Variants in LRRC4C observed in about 807,000 individuals in gnomAD.
LRRC4C encodes leucine-rich repeat-containing protein 4C.
Under a neutral mutation model 33.6 loss-of-function variants are expected in LRRC4C, and 5 were observed. The observed-to-expected ratio is 0.15, with a 90% CI of 0.08 to 0.31. The LOEUF is 0.31. Among genes scored for constraint, LRRC4C ranks in the 10% least tolerant of loss-of-function variants. LRRC4C has a pLI of 1.00. For missense variants in LRRC4C, 560 were observed against 796.7 expected (o/e 0.70, Z 3.58); for synonymous variants, 329 against 302.0 (o/e 1.09, Z -0.93).
chr11:40,623,860 G>A (rs139942067), intron 3 of LRRC4C, among the ~76,000 whole-genome samples: 21 of 152,126 alleles, frequency 1.4e-4, no homozygotes, highest in African/African-American at 5.1e-4. Flanking sequence ...AACAGAATCA[G>A]TTAAAGTAAT....
At chr11:40,487,139 C>G (rs911394411) in intron 3 of LRRC4C, among the ~76,000 whole-genome samples, 4 of 152,058 alleles carry the variant, frequency 2.6e-5, no homozygotes, top group African/African-American at 9.7e-5. Context: ...CGTGAACTGA[C>G]ATGCGAAGTT....
intron 3 of LRRC4C, among the ~76,000 whole-genome samples, chr11:40,565,486 G>A (rs1565510384): frequency 6.6e-6 from 1 of 152,154 alleles, no homozygotes; most frequent in Admixed American, 6.5e-5. Context: ...TGCCTAGCAT[G>A]TTCTCATTTA....
At chr11:40,807,424 C>A (rs1951302986) in intron 2 of LRRC4C, among the ~76,000 whole-genome samples, 1 of 152,084 alleles carries the variant, frequency 6.6e-6, no homozygotes, top group South Asian at 2.1e-4. Flanking sequence ...CCAGTTGTTT[C>A]TTTATTTCAT....
chr11:40,973,806 TTTTTAAAGCCTTTTAA>T (rs367886675), intron 1 of LRRC4C, among the ~76,000 whole-genome samples: 62 of 152,316 alleles, frequency 4.1e-4, no homozygotes, highest in Non-Finnish European at 7.5e-4. Flanking sequence ...CCATTGTTGA[TTTTTAAAGCCTTTTAA>T]TTTTATTCCC....
chr11:40,604,943 C>T (rs1192473648), intron 3 of LRRC4C, among the ~76,000 whole-genome samples: 1 of 152,096 alleles, frequency 6.6e-6, no homozygotes, highest in Non-Finnish European at 1.5e-5. Context: ...TATTCCATTT[C>T]TGACATTCCC....
intron 1 of LRRC4C, among the ~76,000 whole-genome samples, chr11:41,151,844 T>C (rs1043362023): frequency 1.3e-5 from 2 of 152,228 alleles, no homozygotes; most frequent in African/African-American, 4.8e-5. Context: ...CTAAAATTAA[T>C]TTAATAAAAT....
intron 1 of LRRC4C, among the ~76,000 whole-genome samples, chr11:41,138,398 C>G (rs1051478240): frequency 1.3e-5 from 2 of 152,240 alleles, no homozygotes; most frequent in Admixed American, 6.5e-5. Flanking sequence ...GTACACTAGA[C>G]AGGGGACAGA....
intron 1 of LRRC4C, among the ~76,000 whole-genome samples, chr11:40,947,278 T>A (rs1421056170): frequency 6.6e-6 from 1 of 152,162 alleles, no homozygotes; most frequent in Non-Finnish European, 1.5e-5. Flanking sequence ...TGCAAAAATA[T>A]CTTCACGATA....
At chr11:40,406,008 C>T (rs1023619521) in intron 3 of LRRC4C, among the ~76,000 whole-genome samples, 3 of 152,140 alleles carry the variant, frequency 2.0e-5, no homozygotes, top group South Asian at 2.1e-4. Context: ...CACTGTATAT[C>T]GGATCTCTTT....
intron 1 of LRRC4C, among the ~76,000 whole-genome samples, chr11:41,120,019 AT>A (rs1362641463): frequency 1.3e-5 from 2 of 152,124 alleles, no homozygotes; most frequent in African/African-American, 2.4e-5. Context: ...CAATGCTAAA[AT>A]TTTCCATTCT....
chr11:40,420,627 A>T (rs1950489555), intron 3 of LRRC4C, among the ~76,000 whole-genome samples: 1 of 152,232 alleles, frequency 6.6e-6, no homozygotes, highest in Non-Finnish European at 1.5e-5. Context: ...AATCTGGTGA[A>T]TGAGTTCCTA....
In LRRC4C at chr11:40,971,256, G is replaced by A. The variant is rs987766896; in HGVS notation, c.-495-37533C>T. 4.6e-5 allele frequency among the ~76,000 whole-genome samples: 7 copies of A among 152,198 alleles called. No homozygotes were observed. The South Asian group carries it at 8.3e-4, about 18-fold the overall frequency. ...GCCCAGAAGCTTAGAAGGGAAGAAT[G>A]TTATGGTGGTCCAGGCCCAGGGCCT... On this transcript the variant is annotated intron_variant, in intron 1 of 6. Transcript: ENST00000528697.
intron 1 of LRRC4C, among the ~76,000 whole-genome samples, chr11:41,389,768 C>T (rs561923673): frequency 1.3e-5 from 2 of 151,688 alleles, no homozygotes; most frequent in Non-Finnish European, 2.9e-5. Flanking sequence ...TGGGCAAACA[C>T]ATAACCAAGG....
chr11:41,274,676 A>C lies in LRRC4C; in HGVS notation c.-496+184755T>G, dbSNP rs138720878. ...GGAATAAAAGCTGGCCACCCCAGCC[A>C]GCAGTGGCAACCTGCTTGGGTCCCC... On this transcript the variant is annotated intron_variant, in intron 1 of 6. Coordinates refer to ENST00000528697, the MANE Select transcript of LRRC4C (RefSeq NM_001258419.2). 4.2e-3 allele frequency among the ~76,000 whole-genome samples: 644 copies of C among 152,242 alleles called. 3 individuals are homozygous for C. The highest frequency in any genetic ancestry group is 0.014 in the African/African-American group (566 of 41,558).
Position 40,920,975 on chromosome 11 carries a change from T to C in LRRC4C, c.-407+12660A>G, listed in dbSNP as rs117150737. On this transcript the variant is annotated intron_variant, in intron 2 of 6. Coordinates refer to ENST00000528697, the MANE Select transcript of LRRC4C (RefSeq NM_001258419.2). Reference sequence around the variant, plus strand: ...TTGCTCTGTTGTCCAGGCTGAAGCATAGTGTCATCATCATGGCTCACTGCA... The same window carrying C: ...TTGCTCTGTTGTCCAGGCTGAAGCACAGTGTCATCATCATGGCTCACTGCA... Among the ~76,000 whole-genome samples, 24 of 151,092 alleles carry C rather than the reference T, an allele frequency of 1.6e-4. No individual in the cohort carries two copies. The East Asian group carries it at 4.3e-3, about 27-fold the overall frequency.
chr11:40,123,713 T>C (rs1855997048), intron 6 of LRRC4C, among the ~76,000 whole-genome samples: 1 of 152,044 alleles, frequency 6.6e-6, no homozygotes, highest in Non-Finnish European at 1.5e-5. Flanking sequence ...ACCAAAGACA[T>C]TCTTCACAGA....
At chr11:40,141,095 A>G (rs891836612) in intron 5 of LRRC4C, among the ~76,000 whole-genome samples, 5 of 152,160 alleles carry the variant, frequency 3.3e-5, no homozygotes, top group Admixed American at 2.6e-4. Flanking sequence ...CTTACAAGAA[A>G]TGTAGTCTTA....
intron 4 of LRRC4C, among the ~76,000 whole-genome samples, chr11:40,273,873 A>T (rs541964737): frequency 6.6e-6 from 1 of 152,232 alleles, no homozygotes; most frequent in East Asian, 1.9e-4. Flanking sequence ...GTGGGTGTGG[A>T]TGCTGTTATG....
At chr11:40,737,338 C>G in intron 2 of LRRC4C, among the ~76,000 whole-genome samples, 1 of 152,160 alleles carries the variant, frequency 6.6e-6, no homozygotes, top group East Asian at 1.9e-4. Context: ...CTCACCACTC[C>G]TATTCAATAT....
Sources: allele counts gnomAD v4.1 joint callset (sites outside exome capture counted in the v4.1 genomes callset), GRCh38; gene constraint gnomAD v4.1.1; transcripts MANE v1.5; gene names NCBI Gene and HGNC (gene_info 2026-07-23, HGNC 2026-07-21).